The following AUTS2 variants were observed in gnomAD, a reference collection of about 807,000 sequenced individuals.
AUTS2 encodes the protein autism susceptibility gene 2 protein.
A neutral mutation model predicts 112.4 loss-of-function variants in AUTS2; 17 were observed. The ratio of observed to expected loss-of-function variants is 0.15; its 90% CI spans 0.10 to 0.23. The LOEUF is 0.23. AUTS2 is among the 10% of genes least tolerant of loss of function. The pLI, the probability that AUTS2 is intolerant of heterozygous loss-of-function variation, is 1.00. For missense variants in AUTS2, 1,510 were observed against 1,701.6 expected (o/e 0.89, Z 1.98); for synonymous variants, 751 against 702.7 (o/e 1.07, Z -1.09).
intron 6 of AUTS2, among the ~76,000 whole-genome samples, chr7:70,700,616 G>A (rs1463938762): frequency 6.7e-6 from 1 of 149,558 alleles, no homozygotes; most frequent in East Asian, 2.3e-4. Flanking sequence ...GGTGTGGAGG[G>A]GGAAAGCATC....
intron 2 of AUTS2, among the ~76,000 whole-genome samples, chr7:70,033,678 C>G (rs1800878383): frequency 6.6e-6 from 1 of 152,114 alleles, no homozygotes; most frequent in Non-Finnish European, 1.5e-5. Context: ...AAAGAATCTT[C>G]TGCATTATAT....
chr7:69,947,352 C>T (rs922255687), intron 2 of AUTS2, among the ~76,000 whole-genome samples: 7 of 151,978 alleles, frequency 4.6e-5, no homozygotes, highest in Non-Finnish European at 5.9e-5. Context: ...GGCATCTTGG[C>T]GAGAAAAGCC....
chr7:69,778,339 A>T (rs1254343749), intron 1 of AUTS2, among the ~76,000 whole-genome samples: 3 of 151,282 alleles, frequency 2.0e-5, no homozygotes, highest in Admixed American at 6.6e-5. Flanking sequence ...CACTTGGAGA[A>T]CTACTGGTGT....
At position 70,407,780 on chromosome 7, in the gene AUTS2, C is replaced by T. The variant is rs948775058; in HGVS notation, c.661-27972C>T. Among the ~76,000 whole-genome samples the T allele has an allele frequency of 1.3e-5, 2 of 151,824 alleles. 1 individual carries two copies. The highest frequency in any genetic ancestry group is 4.1e-4 in the South Asian group (2 of 4,820). On this transcript the variant is annotated intron_variant, in intron 4 of 18. Coordinates refer to ENST00000342771, the MANE Select transcript of AUTS2 (RefSeq NM_015570.4). ...CAGAAAAGTCAAAAAATGGGCCGGG[C>T]GTGATGGCTCATGCCTGTAATCCTA...
intron 5 of AUTS2, among the ~76,000 whole-genome samples, chr7:70,547,266 G>T (rs1406046132): frequency 6.6e-6 from 1 of 152,072 alleles, no homozygotes; most frequent in African/African-American, 2.4e-5. Flanking sequence ...GTGGGTTTTT[G>T]TTTTGGGAGA....
chr7:70,050,445 T>A (rs995612160), intron 2 of AUTS2, among the ~76,000 whole-genome samples: 2 of 150,560 alleles, frequency 1.3e-5, no homozygotes, highest in Non-Finnish European at 2.9e-5. Context: ...GTCTTGGGGA[T>A]CAGGGTCCTC....
At chr7:69,793,233 C>G (rs904410119) in intron 1 of AUTS2, among the ~76,000 whole-genome samples, 2 of 152,128 alleles carry the variant, frequency 1.3e-5, no homozygotes, top group Non-Finnish European at 2.9e-5. Context: ...ACCTATGGTG[C>G]TCTCTGTTTC....
chr7:69,619,433 A>G (rs904728127), intron 1 of AUTS2, among the ~76,000 whole-genome samples: 1 of 152,200 alleles, frequency 6.6e-6, no homozygotes, highest in Non-Finnish European at 1.5e-5. Flanking sequence ...CTGGAGTCAC[A>G]CATACCTTCA....
chr7:70,649,853 A>G (rs1485295563), intron 5 of AUTS2, among the ~76,000 whole-genome samples: 2 of 152,164 alleles, frequency 1.3e-5, no homozygotes, highest in African/African-American at 4.8e-5. Context: ...AGGTCAGCAG[A>G]GATGATCTGT....
chr7:70,781,947 A>G (rs1035355261), intron 15 of AUTS2, 191 bp downstream of exon 15: 5 of 653,256 alleles, frequency 7.7e-6, no homozygotes, highest in African/African-American at 1.8e-5. Flanking sequence ...TCTTTCATTA[A>G]AGGAGGAGGC....
chr7:70,787,852 T>C (rs540087904), intron 18 of AUTS2, among the ~76,000 whole-genome samples: 2 of 152,352 alleles, frequency 1.3e-5, no homozygotes, highest in East Asian at 1.9e-4. Flanking sequence ...TGTTTTCTTT[T>C]AGAAAGCCAT....
Position 70,297,445 on chromosome 7 carries a change from T to A in AUTS2, c.661-138307T>A, listed in dbSNP as rs952479449. 2.3e-4 allele frequency among the ~76,000 whole-genome samples: 35 copies of A among 149,826 alleles called. No individual in the cohort carries two copies. The East Asian group carries it at 3.1e-3, about 13-fold the overall frequency. ...AAGATAATTTTTTTTTTTTTTTTTT[T>A]ATCGAGACAGAGTCTCGCTCTGTCA... On this transcript the variant is annotated intron_variant, in intron 4 of 18. Coordinates refer to ENST00000342771, the MANE Select transcript of AUTS2 (RefSeq NM_015570.4).
intron 2 of AUTS2, among the ~76,000 whole-genome samples, chr7:70,051,192 G>A (rs1197957131): frequency 6.6e-6 from 1 of 152,128 alleles, no homozygotes; most frequent in Non-Finnish European, 1.5e-5. Flanking sequence ...TAATGATTAA[G>A]GAAACAGGAT....
At chr7:70,009,457 A>C (rs1483079059) in intron 2 of AUTS2, among the ~76,000 whole-genome samples, 1 of 152,204 alleles carries the variant, frequency 6.6e-6, no homozygotes, top group Non-Finnish European at 1.5e-5. Context: ...ACTACAAATA[A>C]TATTGGTTAA....
intron 5 of AUTS2, among the ~76,000 whole-genome samples, chr7:70,669,873 C>T (rs1807546671): frequency 6.6e-6 from 1 of 152,186 alleles, no homozygotes; most frequent in Admixed American, 6.5e-5. Context: ...GCATCTCACA[C>T]AGGTTAATAG....
intron 1 of AUTS2, among the ~76,000 whole-genome samples, chr7:69,892,225 T>G (rs983250742): frequency 6.7e-6 from 1 of 149,436 alleles, no homozygotes; most frequent in Non-Finnish European, 1.5e-5. Flanking sequence ...CAGGCTGGAG[T>G]GCAGTGGTGC....
At chr7:70,582,574 C>T (rs1172352228) in intron 5 of AUTS2, among the ~76,000 whole-genome samples, 1 of 152,160 alleles carries the variant, frequency 6.6e-6, no homozygotes, top group Non-Finnish European at 1.5e-5. Context: ...AAGCTTGGGA[C>T]TCACCACTTC....
chr7:70,013,014 G>A (rs182707353), intron 2 of AUTS2, among the ~76,000 whole-genome samples: 115 of 152,200 alleles, frequency 7.6e-4, no homozygotes, highest in Admixed American at 1.6e-3. Context: ...TTTCCATATG[G>A]TTACCTTTTA....
At chr7:70,225,685 AAC>A (rs1180647698) in intron 4 of AUTS2, among the ~76,000 whole-genome samples, 2 of 152,220 alleles carry the variant, frequency 1.3e-5, no homozygotes, top group African/African-American at 2.4e-5. Flanking sequence ...AAAAATCAAA[AAC>A]ACTGATGACT....
Sources: gnomAD v4.1 joint callset for allele counts (sites outside exome capture counted in the v4.1 genomes callset) on GRCh38, gnomAD v4.1.1 for gene constraint, MANE v1.5 for transcripts, NCBI Gene and HGNC (gene_info 2026-07-23, HGNC 2026-07-21) for gene names.